The following MAK variants were observed in gnomAD, a reference collection of about 807,000 sequenced individuals.
MAK encodes the protein male germ cell associated kinase, also known as serine/threonine-protein kinase MAK.
A neutral mutation model predicts 82.6 loss-of-function variants in MAK; 65 were observed. That is an observed-to-expected ratio of 0.79 (90% CI 0.64 to 0.97). The LOEUF is 0.97. Ranked by LOEUF, MAK falls within the 50% of genes least tolerant of loss-of-function variation. The pLI is 0.00. For missense variants in MAK, 703 were observed against 780.2 expected (o/e 0.90, Z 1.18); for synonymous variants, 250 against 274.2 (o/e 0.91, Z 0.87).
At chr6:10,783,879 C>CTGTG (rs1774255900) in intron 11 of MAK, among the ~76,000 whole-genome samples, 1 of 152,030 alleles carries the variant, frequency 6.6e-6, no homozygotes, top group Non-Finnish European at 1.5e-5. Flanking sequence ...ATTAGCCAGG[C>CTGTG]GTGGTGGCTC....
intron 10 of MAK, among the ~76,000 whole-genome samples, chr6:10,789,289 C>T (rs1774874836): frequency 6.6e-6 from 1 of 152,036 alleles, no homozygotes; most frequent in South Asian, 2.1e-4. Context: ...ACTCATAACA[C>T]AACTGTTCTT....
At chr6:10,827,071 A>C (rs578081934) in intron 2 of MAK, among the ~76,000 whole-genome samples, 18 of 152,208 alleles carry the variant, frequency 1.2e-4, no homozygotes, top group Non-Finnish European at 2.6e-4. Context: ...AGATCGCGCC[A>C]CTGCACTCCA....
At chr6:10,794,531 AATAG>A (rs1051040137) in intron 9 of MAK, among the ~76,000 whole-genome samples, 1 of 152,216 alleles carries the variant, frequency 6.6e-6, no homozygotes, top group African/African-American at 2.4e-5. Context: ...ACTGGAAGGA[AATAG>A]ATACAGTGCT....
At position 10,808,945 on chromosome 6, in the gene MAK, T is replaced by C. The variant is rs1330184330; in HGVS notation, c.359-3A>G. 1.2e-6 allele frequency: 2 copies of C among 1,610,334 alleles called. No individual in the cohort carries two copies. Among genetic ancestry groups the C allele is most frequent in the Admixed American group, 3.3e-5 (2 of 59,982 alleles). The stretch of plus-strand genomic sequence containing the variant: ...TTTCATGTCCCTATGAAAAAAGCCT[T>C]GATGATATACGGAGAAAAAAAAATA... On this transcript the variant is annotated splice_polypyrimidine_tract_variant and splice_region_variant and intron_variant, in intron 5 of 14. Transcript: ENST00000354489.
chr6:10,765,520 T>A (rs480123), intron 14 of MAK, among the ~76,000 whole-genome samples: 121,901 of 148,828 alleles, frequency 0.82, 50,075 homozygotes, highest in East Asian at 0.93. Context: ...AGTGCAATGG[T>A]GCGATCTCGG....
intron 8 of MAK, among the ~76,000 whole-genome samples, chr6:10,799,033 G>A (rs1257658694): frequency 1.3e-5 from 2 of 151,966 alleles, no homozygotes; most frequent in Non-Finnish European, 1.5e-5. Context: ...GTTCTGCCAC[G>A]TTGGCCAGGC....
intron 6 of MAK, among the ~76,000 whole-genome samples, chr6:10,806,637 G>C (rs917474411): frequency 6.6e-6 from 1 of 151,304 alleles, no homozygotes; most frequent in Non-Finnish European, 1.5e-5. Context: ...GATTACAGGC[G>C]TGAGCCACTG....
chr6:10,787,149 A>T (rs919233361), intron 10 of MAK, among the ~76,000 whole-genome samples: 1 of 150,034 alleles, frequency 6.7e-6, no homozygotes, highest in Non-Finnish European at 1.5e-5. Flanking sequence ...CCACTCCGCT[A>T]ATTCACCAGT....
At chr6:10,816,160 C>T (rs1278512182) in intron 4 of MAK, among the ~76,000 whole-genome samples, 1 of 151,584 alleles carries the variant, frequency 6.6e-6, no homozygotes, top group Non-Finnish European at 1.5e-5. Flanking sequence ...TGGCCTCAAC[C>T]TCCTGGGCTC....
At position 10,830,531 on chromosome 6, in the gene MAK, A is replaced by G; in HGVS notation, c.101+17T>C. 1.3e-6 allele frequency: 2 copies of G among 1,586,858 alleles called. No homozygotes were observed. The highest frequency in any genetic ancestry group is 1.7e-6 in the Non-Finnish European group (2 of 1,155,194). Reference sequence around the variant, plus strand: ...CAGAGTTTTCAAAGGTGAAGTTGGCAGTGTCACACACAGTACCTTTTGATG... The same window carrying G: ...CAGAGTTTTCAAAGGTGAAGTTGGCGGTGTCACACACAGTACCTTTTGATG... On this transcript the variant is annotated intron_variant, in intron 2 of 14. Transcript: ENST00000354489.
At position 10,792,350 on chromosome 6, in the gene MAK, G is replaced by A. The variant is rs1026625152; in HGVS notation, c.1144-503C>T. Among the ~76,000 whole-genome samples, 4 of 152,302 alleles carry A rather than the reference G, an allele frequency of 2.6e-5. No individual in the cohort carries two copies. The East Asian group carries it at 7.7e-4, about 29-fold the overall frequency. On this transcript the variant is annotated intron_variant, in intron 9 of 14. Coordinates refer to ENST00000354489, the MANE Select transcript of MAK (RefSeq NM_001242957.3). ...AGCCACCTGCTCAGGGTGGTGGAGC[G>A]GGAAGCCAGCAGCAGCCTGCCTCCT... is the stretch of plus-strand genomic sequence containing the variant.
chr6:10,794,997 T>TAAC (rs1775401022), intron 9 of MAK, among the ~76,000 whole-genome samples: 1 of 147,760 alleles, frequency 6.8e-6, no homozygotes, highest in Non-Finnish European at 1.5e-5. Flanking sequence ...TGTCTCAAAA[T>TAAC]AATAATAATA....
At chr6:10,784,938 C>G in intron 10 of MAK, 1 of 470,456 alleles carries the variant, frequency 2.1e-6, no homozygotes, top group Non-Finnish European at 4.2e-6. Flanking sequence ...AAATAATTTA[C>G]AATCAATGAG....
At chr6:10,780,938 T>A (rs1773912051) in intron 11 of MAK, among the ~76,000 whole-genome samples, 1 of 152,130 alleles carries the variant, frequency 6.6e-6, no homozygotes, top group Non-Finnish European at 1.5e-5. Flanking sequence ...GTCTAAAGAT[T>A]ACAATAACAA....
intron 12 of MAK, among the ~76,000 whole-genome samples, chr6:10,774,140 T>C (rs1773264160): frequency 6.6e-6 from 1 of 152,160 alleles, no homozygotes; most frequent in Admixed American, 6.6e-5. Flanking sequence ...CCAAATTTTA[T>C]CCAAATGTAA....
chr6:10,784,532 C>T lies in MAK; in HGVS notation c.1357G>A (p.Gly453Arg). 1.2e-6 allele frequency: 2 copies of T among 1,614,116 alleles called. No individual in the cohort carries two copies. The highest frequency in any genetic ancestry group is 1.7e-6 in the Non-Finnish European group (2 of 1,179,986). Reference protein sequence around the residue: ...PVPSGSNHSTGENKSLPAVTS... With the variant: ...PVPSGSNHSTRENKSLPAVTS... ...ACAGCAGGTAAGCTCTTGTTTTCCC[C>T]TGTCGAGTGGTTGGAGCCTGAGGGT... The change falls in exon 11 of 15, where the codon GGG becomes AGG. Residue 453 changes from glycine to arginine, a missense_variant. Physicochemically the swap from Gly to Arg is moderately radical, Grantham distance 125. Coordinates refer to ENST00000354489, the MANE Select transcript of MAK (RefSeq NM_001242957.3).
At chr6:10,783,831 T>C (rs550748447) in intron 11 of MAK, among the ~76,000 whole-genome samples, 42 of 152,206 alleles carry the variant, frequency 2.8e-4, no homozygotes, top group African/African-American at 7.9e-4. Flanking sequence ...CCATCCCGGC[T>C]AACACGGTGA....
At chr6:10,830,158 C>T (rs1434407436) in intron 2 of MAK, among the ~76,000 whole-genome samples, 9 of 107,890 alleles carry the variant, frequency 8.3e-5, no homozygotes, top group East Asian at 2.7e-4. Context: ...TGTGTGTGTG[C>T]GTGTGCACGT....
chr6:10,813,011 C>A (rs1209076267), intron 5 of MAK, among the ~76,000 whole-genome samples: 19 of 140,972 alleles, frequency 1.3e-4, no homozygotes, highest in East Asian at 4.1e-4. Flanking sequence ...GTGATCCCCC[C>A]CCCCGCCTCG....
Sources: gnomAD v4.1 joint callset for allele counts (sites outside exome capture counted in the v4.1 genomes callset) on GRCh38, gnomAD v4.1.1 for gene constraint, MANE v1.5 for transcripts, NCBI Gene and HGNC (gene_info 2026-07-23, HGNC 2026-07-21) for gene names.